The following CSMD1 variants were observed in gnomAD, a reference collection of about 807,000 sequenced individuals.
CSMD1 encodes the protein CUB and sushi domain-containing protein 1.
Under a neutral mutation model 417.5 loss-of-function variants are expected in CSMD1, and 213 were observed. That is an observed-to-expected ratio of 0.51 (90% CI 0.46 to 0.57). The LOEUF is 0.57. CSMD1 is among the 20% of genes least tolerant of loss of function. CSMD1 has a pLI of 0.00. For missense variants in CSMD1, 6,923 were observed against 4,529.7 expected (o/e 1.53, Z -15.17); for synonymous variants, 2,862 against 1,736.8 (o/e 1.65, Z -16.11).
rs1051328523 is a variant in CSMD1 at position 3,349,714 on chromosome 8, G to C, written c.3305-1553C>G. Among the ~76,000 whole-genome samples, 5 of 146,970 alleles carry C rather than the reference G, an allele frequency of 3.4e-5. No individual in the cohort carries two copies. In the South Asian group the frequency reaches 1.1e-3, roughly 31 times the overall value. Reference sequence around the variant, plus strand: ...AATTTATATGTATATATACTCACGAGTAGGTGTATATATCTATAATATATA... The same window carrying C: ...AATTTATATGTATATATACTCACGACTAGGTGTATATATCTATAATATATA... On this transcript the variant is annotated intron_variant, in intron 21 of 69. Coordinates refer to ENST00000635120, the MANE Select transcript of CSMD1 (RefSeq NM_033225.6).
chr8:3,818,106 C>A (rs925605237), intron 5 of CSMD1, among the ~76,000 whole-genome samples: 3 of 152,110 alleles, frequency 2.0e-5, no homozygotes, highest in South Asian at 4.1e-4. Context: ...CCATGTTATT[C>A]CCTGAGAGCC....
chr8:3,875,953 A>G (rs1190763604), intron 5 of CSMD1, among the ~76,000 whole-genome samples: 1 of 151,946 alleles, frequency 6.6e-6, no homozygotes, highest in Non-Finnish European at 1.5e-5. Context: ...AGGCAAATTT[A>G]TGGAGTAACT....
chr8:4,126,151 A>G lies in CSMD1; in HGVS notation c.416-94052T>C, dbSNP rs114492549. On this transcript the variant is annotated intron_variant, in intron 3 of 69. Coordinates refer to ENST00000635120, the MANE Select transcript of CSMD1 (RefSeq NM_033225.6). Reference sequence around the variant, plus strand: ...ATCTTCAACCTGACCAGTCAGCACTACCCACTTCCCAAGCCCCCACCCACC... The same window carrying G: ...ATCTTCAACCTGACCAGTCAGCACTGCCCACTTCCCAAGCCCCCACCCACC... Among the ~76,000 whole-genome samples, 720 of 152,046 alleles carry G rather than the reference A, an allele frequency of 4.7e-3. 7 individuals are homozygous for G. Among genetic ancestry groups the G allele is most frequent in the African/African-American group, 0.017 (691 of 41,442 alleles).
At position 3,912,852 on chromosome 8, in the gene CSMD1, G is replaced by T. The variant is rs1027592886; in HGVS notation, c.818+85051C>A. On this transcript the variant is annotated intron_variant, in intron 5 of 69. Coordinates refer to ENST00000635120, the MANE Select transcript of CSMD1 (RefSeq NM_033225.6). ...AAATTATATTCTGTTGAGAGTTCTG[G>T]AGGGGGCGTAGTAGTGATGGTGATG... Among the ~76,000 whole-genome samples the T allele has an allele frequency of 2.0e-5, 3 of 152,310 alleles. 1 individual carries two copies. The South Asian group carries it at 6.2e-4, about 32-fold the overall frequency.
At chr8:4,548,830 C>G (rs963982054) in intron 2 of CSMD1, among the ~76,000 whole-genome samples, 3 of 152,050 alleles carry the variant, frequency 2.0e-5, no homozygotes, top group African/African-American at 7.2e-5. Context: ...AGCATACTGC[C>G]TTGGTCTTGG....
chr8:4,034,293 T>C (rs1158786784), intron 3 of CSMD1, among the ~76,000 whole-genome samples: 1 of 152,220 alleles, frequency 6.6e-6, no homozygotes. Context: ...TATTGAATAT[T>C]ATTGACATGT....
chr8:3,946,497 T>C (rs998351496), intron 5 of CSMD1, among the ~76,000 whole-genome samples: 1 of 152,166 alleles, frequency 6.6e-6, no homozygotes, highest in Admixed American at 6.6e-5. Context: ...TTAAATCATA[T>C]TGACTATTCT....
intron 20 of CSMD1, among the ~76,000 whole-genome samples, chr8:3,365,701 C>T (rs528639060): frequency 6.6e-6 from 1 of 152,266 alleles, no homozygotes; most frequent in East Asian, 1.9e-4. Flanking sequence ...GGCTTTTGGT[C>T]AACAGTAGGC....
intron 26 of CSMD1, among the ~76,000 whole-genome samples, chr8:3,242,810 AGAAATAAGGGGTTGGGGCG>A (rs1799631255): frequency 5.4e-5 from 2 of 36,870 alleles, no homozygotes; most frequent in Admixed American, 3.5e-4. Flanking sequence ...GTTGGGGCGC[AGAAATAAGGGGTTGGGGCG>A]CAGATATAAG....
At chr8:3,949,952 A>G in intron 5 of CSMD1, 2 of 456,024 alleles carry the variant, frequency 4.4e-6, no homozygotes, top group Middle Eastern at 3.3e-4. Context: ...GGAGAGGTTC[A>G]TGCCAGCAGA....
At position 3,065,310 on chromosome 8, in the gene CSMD1, G is replaced by A. The variant is rs540768228; in HGVS notation, c.7475-12663C>T. On this transcript the variant is annotated intron_variant, in intron 49 of 69. Coordinates refer to ENST00000635120, the MANE Select transcript of CSMD1 (RefSeq NM_033225.6). ...AGATAGATAGATAGATAGGTAGATAGATAGATAGACAGACAGACAACAGAT... is the reference window on the plus strand; with the variant it reads ...AGATAGATAGATAGATAGGTAGATAAATAGATAGACAGACAGACAACAGAT... Among the ~76,000 whole-genome samples the A allele has an allele frequency of 8.7e-5, 13 of 149,752 alleles. No homozygotes were observed. The South Asian group carries it at 1.2e-3, about 14-fold the overall frequency.
chr8:3,968,741 C>A (rs1450262440), intron 5 of CSMD1, among the ~76,000 whole-genome samples: 2 of 152,136 alleles, frequency 1.3e-5, no homozygotes, highest in African/African-American at 4.8e-5. Flanking sequence ...AGCATTTAAG[C>A]AGCCTCAACA....
intron 10 of CSMD1, among the ~76,000 whole-genome samples, chr8:3,518,565 A>C (rs1375993322): frequency 6.6e-6 from 1 of 152,244 alleles, no homozygotes; most frequent in Admixed American, 6.5e-5. Flanking sequence ...TCTATGTGAA[A>C]GTAAATTAGA....
intron 3 of CSMD1, among the ~76,000 whole-genome samples, chr8:4,220,689 A>G (rs79768843): frequency 0.026 from 3,894 of 152,320 alleles, 331 homozygotes; most frequent in Admixed American, 0.17. Flanking sequence ...AGGGAAGATC[A>G]AGAACATTTC....
At chr8:4,814,205 T>C (rs1356689865) in intron 1 of CSMD1, among the ~76,000 whole-genome samples, 2 of 151,042 alleles carry the variant, frequency 1.3e-5, no homozygotes, top group South Asian at 2.1e-4. Flanking sequence ...TTTGTGTGTG[T>C]GTGTGTGTGT....
chr8:3,751,300 G>C (rs1797324439), intron 6 of CSMD1, among the ~76,000 whole-genome samples: 1 of 7,962 alleles, frequency 1.3e-4, no homozygotes, highest in African/African-American at 2.9e-4. Flanking sequence ...TACAATTGAA[G>C]TGTGTGTGTG....
At chr8:3,970,620 A>C (rs1367811027) in intron 5 of CSMD1, among the ~76,000 whole-genome samples, 1 of 152,210 alleles carries the variant, frequency 6.6e-6, no homozygotes, top group East Asian at 1.9e-4. Flanking sequence ...GGGAAACTCA[A>C]GAGGAATCTT....
intron 1 of CSMD1, among the ~76,000 whole-genome samples, chr8:4,773,761 A>G (rs1216728012): frequency 6.6e-6 from 1 of 152,210 alleles, no homozygotes; most frequent in Admixed American, 6.5e-5. Flanking sequence ...ATATAATCAT[A>G]TTAAGGAAGC....
intron 3 of CSMD1, among the ~76,000 whole-genome samples, chr8:4,284,109 T>A (rs1796932618): frequency 6.6e-6 from 1 of 152,176 alleles, no homozygotes; most frequent in South Asian, 2.1e-4. Context: ...GGCTCACACC[T>A]GTAATCCTAG....
Sources: gnomAD v4.1 joint callset for allele counts (sites outside exome capture counted in the v4.1 genomes callset) on GRCh38, gnomAD v4.1.1 for gene constraint, MANE v1.5 for transcripts, NCBI Gene and HGNC (gene_info 2026-07-23, HGNC 2026-07-21) for gene names.